The following ANK3 variants were observed in gnomAD, a reference collection of about 807,000 sequenced individuals.
ANK3 encodes ankyrin-3.
ANK3 carries 57 observed loss-of-function variants against 370.9 expected under a neutral mutation model. The ratio of observed to expected loss-of-function variants is 0.15; its 90% CI spans 0.12 to 0.19. The LOEUF is 0.19. Among genes scored for constraint, ANK3 ranks in the 10% least tolerant of loss-of-function variants. ANK3 has a pLI of 1.00. For missense variants in ANK3, 4,439 were observed against 5,302.1 expected (o/e 0.84, Z 5.06); for synonymous variants, 1,929 against 1,946.3 (o/e 0.99, Z 0.23).
intron 23 of ANK3, among the ~76,000 whole-genome samples, chr10:60,145,475 A>G (rs948811950): frequency 1.3e-5 from 2 of 152,242 alleles, no homozygotes; most frequent in African/African-American, 4.8e-5. Context: ...AGTCAGCATT[A>G]CAGAACAGTA....
At chr10:60,561,213 C>A (rs2077326710) in intron 2 of ANK3, among the ~76,000 whole-genome samples, 1 of 152,206 alleles carries the variant, frequency 6.6e-6, no homozygotes, top group Admixed American at 6.5e-5. Context: ...AAATATGACA[C>A]AAATGCATGG....
intron 23 of ANK3, among the ~76,000 whole-genome samples, chr10:60,161,209 A>G (rs1435516443): frequency 6.6e-6 from 1 of 152,206 alleles, no homozygotes; most frequent in Non-Finnish European, 1.5e-5. Context: ...TACAAAATCA[A>G]CATATAAAAA....
At chr10:60,293,766 A>AT (rs2041959208) in intron 1 of ANK3, among the ~76,000 whole-genome samples, 1 of 152,180 alleles carries the variant, frequency 6.6e-6, no homozygotes, top group African/African-American at 2.4e-5. Flanking sequence ...ACAAATTCCA[A>AT]TTTTTTGCAT....
In ANK3 at chr10:60,073,027, G is replaced by A; in HGVS notation, c.7854C>T (p.Gly2618=). The change falls in exon 37 of 44, where the codon GGC becomes GGT. Residue 2618 remains glycine (G), a synonymous_variant. Transcript: ENST00000280772. ...TAGGGCTTTGAGAAGAATATTCTTT[G>A]CCATTTTTAGGGCGTGCCTTTTTCT... The part of the protein sequence containing the change: ...SPEKKARPKN[G]KEYSSQSPTS... 1 of 1,614,110 alleles carries A rather than the reference G, an allele frequency of 6.2e-7. No homozygotes were observed. Among genetic ancestry groups the A allele is most frequent in the Non-Finnish European group, 8.5e-7 (1 of 1,180,008 alleles).
intron 2 of ANK3, among the ~76,000 whole-genome samples, chr10:60,415,987 T>G (rs2063659990): frequency 7.7e-6 from 1 of 130,368 alleles, no homozygotes. Flanking sequence ...ACATGAGGCC[T>G]TTGGAAGGTG....
At chr10:60,396,870 C>G (rs898024695) in intron 2 of ANK3, among the ~76,000 whole-genome samples, 22 of 152,184 alleles carry the variant, frequency 1.4e-4, no homozygotes, top group South Asian at 2.1e-4. Flanking sequence ...GAAAGGAATT[C>G]TTAACTCTCC....
chr10:60,305,330 G>T (rs1412892179), intron 1 of ANK3, among the ~76,000 whole-genome samples: 1 of 151,958 alleles, frequency 6.6e-6, no homozygotes, highest in Admixed American at 6.6e-5. Flanking sequence ...CTCAGATCTT[G>T]TAGGCAGACC....
chr10:60,261,176 G>A (rs1045437715), intron 7 of ANK3, among the ~76,000 whole-genome samples: 2 of 152,162 alleles, frequency 1.3e-5, no homozygotes, highest in Non-Finnish European at 2.9e-5. Context: ...CAGAGTCCAG[G>A]ATTTCAGCCA....
chr10:60,595,530 A>C (rs2077975917), intron 2 of ANK3, among the ~76,000 whole-genome samples: 1 of 152,066 alleles, frequency 6.6e-6, no homozygotes, highest in Non-Finnish European at 1.5e-5. Flanking sequence ...TGCCTCGAAC[A>C]CCAACCTTAG....
intron 7 of ANK3, among the ~76,000 whole-genome samples, chr10:60,244,409 G>T (rs139929271): frequency 2.0e-5 from 3 of 152,060 alleles, no homozygotes; most frequent in Non-Finnish European, 4.4e-5. Context: ...TTTTAGTTTG[G>T]TTCCTTGACA....
rs761752696 is a variant in ANK3, at chr10:60,477,516, T to TACACACAC, written c.96+137662_96+137669dup. ...ATACCTACTGACAGACAGACAGACA[T>TACACACAC]ACACACACACACACACACACACACA... On this transcript the variant is annotated intron_variant, in intron 2 of 43. Coordinates refer to the ANK3 transcript ENST00000373827. 5.7e-3 allele frequency among the ~76,000 whole-genome samples: 700 copies of TACACACAC among 122,672 alleles called. 4 individuals carry two copies. The highest frequency in any genetic ancestry group is 9.2e-3 in the Admixed American group (108 of 11,778). The allele number at this position is 122,672 out of a possible 152,430, so 80.5% of individuals were successfully genotyped here. A position where few individuals can be genotyped will look rare whatever the true frequency, so the allele number is the denominator to read the frequency against.
intron 2 of ANK3, among the ~76,000 whole-genome samples, chr10:60,575,042 T>A (rs1474061424): frequency 1.3e-5 from 2 of 152,112 alleles, no homozygotes; most frequent in East Asian, 3.9e-4. Flanking sequence ...ACAAGTTAAT[T>A]GGGATTATAA....
rs762232864 is a variant in ANK3 at position 60,070,645 on chromosome 10, G to C, written c.10236C>G (p.Ile3412Met). 1 of 1,614,048 alleles carries C rather than the reference G, an allele frequency of 6.2e-7. No individual in the cohort carries two copies. The highest frequency in any genetic ancestry group is 2.2e-5 in the East Asian group (1 of 44,864). The change falls in exon 37 of 44, where the codon ATC becomes ATG. Residue 3412 changes from isoleucine to methionine, a missense_variant. Ile to Met is a conservative substitution (Grantham distance 10). Coordinates refer to ENST00000280772, the MANE Select transcript of ANK3 (RefSeq NM_020987.5). This position sits in a 1 kb window ranked among gnomAD's most constrained non-coding sequence, Gnocchi z 5.7. ...EFSHDTDATE[I>M]DSLDGYDLQD... ...GCAGGTCATAGCCATCCAGAGAGTC[G>C]ATCTCTGTGGCATCCGTGTCATGAG...
chr10:60,335,306 T>G (rs186095095), intron 1 of ANK3, among the ~76,000 whole-genome samples: 5 of 152,238 alleles, frequency 3.3e-5, no homozygotes, highest in African/African-American at 1.2e-4. Context: ...AAAAAAGTTT[T>G]TGTTTTCTCA....
At chr10:60,622,529 C>T (rs1341032137) in intron 1 of ANK3, among the ~76,000 whole-genome samples, 1 of 152,134 alleles carries the variant, frequency 6.6e-6, no homozygotes, top group African/African-American at 2.4e-5. Flanking sequence ...GAGTGAGCCA[C>T]CGTGCCCAGC....
At chr10:60,360,783 A>G (rs942288089) in intron 1 of ANK3, among the ~76,000 whole-genome samples, 1 of 152,230 alleles carries the variant, frequency 6.6e-6, no homozygotes, top group African/African-American at 2.4e-5. Context: ...ATTGAAGCTT[A>G]AAGATTTTTT....
At chr10:60,580,407 C>T (rs2077735407) in intron 2 of ANK3, among the ~76,000 whole-genome samples, 1 of 152,148 alleles carries the variant, frequency 6.6e-6, no homozygotes, top group South Asian at 2.1e-4. Flanking sequence ...GGTATACTGT[C>T]TTTAGCTAAC....
chr10:60,228,881 G>T (rs2097203462), intron 8 of ANK3, among the ~76,000 whole-genome samples: 1 of 152,134 alleles, frequency 6.6e-6, no homozygotes, highest in Admixed American at 6.5e-5. Flanking sequence ...AGCCTATTTT[G>T]TTGACTCTTC....
chr10:60,420,503 A>AG (rs1310282416), intron 2 of ANK3, among the ~76,000 whole-genome samples: 1 of 152,082 alleles, frequency 6.6e-6, no homozygotes, highest in East Asian at 1.9e-4. Context: ...ACAGCTACTG[A>AG]GATGGTTACT....
Sources: allele counts gnomAD v4.1 joint callset (sites outside exome capture counted in the v4.1 genomes callset), GRCh38; gene constraint gnomAD v4.1.1; non-coding constraint Gnocchi (gnomAD v3.1); transcripts MANE v1.5; gene names NCBI Gene and HGNC (gene_info 2026-07-23, HGNC 2026-07-21).